The following CACHD1 variants were observed in gnomAD, a reference collection of about 807,000 sequenced individuals.
CACHD1 encodes VWFA and cache domain-containing protein 1.
CACHD1 carries 71 observed loss-of-function variants against 138.7 expected under a neutral mutation model. That is an observed-to-expected ratio of 0.51 (90% CI 0.42 to 0.62). The LOEUF is 0.62. CACHD1 is among the 20% of genes least tolerant of loss of function. The probability of loss-of-function intolerance (pLI) is 0.00; values close to 1 mark genes in which losing one functional copy is unlikely to be tolerated. For missense variants in CACHD1, 1,389 were observed against 1,625.3 expected (o/e 0.85, Z 2.50); for synonymous variants, 578 against 591.5 (o/e 0.98, Z 0.33).
At chr1:64,536,100 T>C (rs1646630987) in intron 1 of CACHD1, among the ~76,000 whole-genome samples, 1 of 152,214 alleles carries the variant, frequency 6.6e-6, no homozygotes, top group African/African-American at 2.4e-5. Context: ...CAGTGGTTTT[T>C]AGTAAGTTTC....
chr1:64,504,480 CT>C, intron 1 of CACHD1, among the ~76,000 whole-genome samples: 1 of 152,154 alleles, frequency 6.6e-6, no homozygotes, highest in South Asian at 2.1e-4. Flanking sequence ...CAACCTTTCT[CT>C]TTTGGGTGTA....
chr1:64,595,153 A>T (rs999071115), intron 3 of CACHD1, among the ~76,000 whole-genome samples: 1 of 152,166 alleles, frequency 6.6e-6, no homozygotes, highest in African/African-American at 2.4e-5. Flanking sequence ...CTTAGTTGTT[A>T]GTGCCTCTCT....
At chr1:64,672,694 T>C (rs1309928056) in intron 17 of CACHD1, among the ~76,000 whole-genome samples, 1 of 152,288 alleles carries the variant, frequency 6.6e-6, no homozygotes, top group African/African-American at 2.4e-5. Context: ...TACTGTATAT[T>C]TTTATACATC....
chr1:64,560,888 T>C (rs1298481382), intron 2 of CACHD1, among the ~76,000 whole-genome samples: 1 of 152,164 alleles, frequency 6.6e-6, no homozygotes, highest in Non-Finnish European at 1.5e-5. Flanking sequence ...TAAGATTATG[T>C]CTTCCTGATG....
chr1:64,565,105 T>C (rs374087268), intron 2 of CACHD1, among the ~76,000 whole-genome samples: 7 of 150,550 alleles, frequency 4.6e-5, no homozygotes, highest in East Asian at 3.9e-4. Flanking sequence ...TCTCATTTTG[T>C]TTACAATTTA....
intron 1 of CACHD1, among the ~76,000 whole-genome samples, chr1:64,480,957 T>C (rs1019687401): frequency 1.3e-5 from 2 of 152,100 alleles, no homozygotes; most frequent in Non-Finnish European, 2.9e-5. Flanking sequence ...AATTTGATGA[T>C]GGAACAAACT....
intron 7 of CACHD1, among the ~76,000 whole-genome samples, chr1:64,637,265 G>T (rs1018641349): frequency 6.6e-6 from 1 of 152,190 alleles, no homozygotes; most frequent in African/African-American, 2.4e-5. Context: ...GCCAGGCAGC[G>T]CATTTGAGTC....
intron 16 of CACHD1, among the ~76,000 whole-genome samples, chr1:64,667,620 G>A (rs1649678328): frequency 6.6e-6 from 1 of 152,218 alleles, no homozygotes; most frequent in Non-Finnish European, 1.5e-5. Context: ...GACTTGTCAT[G>A]CCTCCCATAT....
intron 10 of CACHD1, 31 bp downstream of exon 10, chr1:64,652,341 C>T (rs757180449): frequency 6.4e-7 from 1 of 1,562,812 alleles, no homozygotes; most frequent in East Asian, 2.3e-5. Flanking sequence ...CCTAAGAATA[C>T]TTTTTTAGAA....
At chr1:64,657,103 T>C (rs1041419333) in intron 12 of CACHD1, among the ~76,000 whole-genome samples, 2 of 152,182 alleles carry the variant, frequency 1.3e-5, no homozygotes, top group Admixed American at 6.5e-5. Context: ...TTTAGCACTT[T>C]AGGAGGCTGT....
At chr1:64,491,489 A>T (rs1039107759) in intron 1 of CACHD1, among the ~76,000 whole-genome samples, 4 of 152,046 alleles carry the variant, frequency 2.6e-5, no homozygotes, top group Non-Finnish European at 5.9e-5. Flanking sequence ...CAAGGGGGGA[A>T]GTGCCACACT....
At chr1:64,553,019 A>G (rs1328256696) in intron 2 of CACHD1, among the ~76,000 whole-genome samples, 1 of 152,170 alleles carries the variant, frequency 6.6e-6, no homozygotes. Flanking sequence ...AACACTTAAC[A>G]AATAGATCTG....
chr1:64,617,009 C>A, intron 4 of CACHD1, among the ~76,000 whole-genome samples: 1 of 149,776 alleles, frequency 6.7e-6, no homozygotes. Context: ...GTTAGAGAAA[C>A]TTAAAAATGT....
intron 1 of CACHD1, among the ~76,000 whole-genome samples, chr1:64,514,465 A>C (rs1361648965): frequency 2.0e-5 from 3 of 152,164 alleles, no homozygotes; most frequent in Non-Finnish European, 4.4e-5. Flanking sequence ...CTCGATATAA[A>C]AGTCTTCTAG....
intron 1 of CACHD1, among the ~76,000 whole-genome samples, chr1:64,540,974 C>G (rs1404701336): frequency 1.3e-5 from 2 of 152,004 alleles, no homozygotes; most frequent in African/African-American, 4.8e-5. Flanking sequence ...ATCCAAGTGG[C>G]TGTGAGTGTG....
At chr1:64,683,900 A>G (rs954154505) in intron 26 of CACHD1, among the ~76,000 whole-genome samples, 8 of 152,166 alleles carry the variant, frequency 5.3e-5, no homozygotes, top group Non-Finnish European at 1.0e-4. Context: ...AGCTACATAC[A>G]CCCATTAAAC....
rs1649182433 is a variant in CACHD1, at chr1:64,653,897, G to A, written c.1664+16G>A. The A allele has an allele frequency of 6.2e-7, 1 of 1,610,252 alleles. No individual in the cohort carries two copies. On this transcript the variant is annotated intron_variant, in intron 11 of 26. Coordinates refer to ENST00000651257, the MANE Select transcript of CACHD1 (RefSeq NM_020925.4). ...ATATCCTAAGGTAAGGAAAAGGTGA[G>A]GGTCATAGGATTGTTTTTCCCTGAG... is the stretch of plus-strand genomic sequence containing the variant.
chr1:64,561,119 G>T (rs2100483219), intron 2 of CACHD1, among the ~76,000 whole-genome samples: 1 of 150,354 alleles, frequency 6.7e-6, no homozygotes, highest in African/African-American at 2.4e-5. Flanking sequence ...TTATTATTAG[G>T]AATATTTAGG....
At chr1:64,629,310 A>G (rs769543489) in intron 4 of CACHD1, 45 bp from the exon 5 acceptor site, 1 of 1,604,730 alleles carries the variant, frequency 6.2e-7, no homozygotes, top group Non-Finnish European at 8.5e-7. Flanking sequence ...GCCTGCATGC[A>G]CCTGTGGATT....
Sources: allele counts gnomAD v4.1 joint callset (sites outside exome capture counted in the v4.1 genomes callset), GRCh38; gene constraint gnomAD v4.1.1; transcripts MANE v1.5; gene names NCBI Gene and HGNC (gene_info 2026-07-23, HGNC 2026-07-21).